CD2AP: variants seen among roughly 807,000 people sequenced by gnomAD.
The protein encoded by CD2AP is CD2-associated protein.
In CD2AP, 46 loss-of-function variants were observed where a neutral mutation model predicts 85.1. The observed-to-expected ratio is 0.54, with a 90% CI of 0.43 to 0.69. The LOEUF (loss-of-function observed/expected upper bound fraction) is 0.69, where lower values mean the gene tolerates loss of function less well. Ranked by LOEUF, CD2AP falls within the 30% of genes least tolerant of loss-of-function variation. The pLI is 0.00. For synonymous variants in CD2AP, 255 were observed against 252.9 expected, an observed-to-expected ratio of 1.01 and a Z score of -0.08; for missense variants, 769 against 729.5, an observed-to-expected ratio of 1.05 and a Z score of -0.62.
chr6:47,581,860 G>A lies in CD2AP; in HGVS notation c.1046-143G>A, dbSNP rs934933889. 5 of 623,632 alleles carry A rather than the reference G, an allele frequency of 8.0e-6. No homozygotes were observed. The African/African-American group carries it at 9.2e-5, about 11-fold the overall frequency. The allele number at this position is 623,632 out of a possible 1,614,324, so 38.6% of individuals were successfully genotyped here. On this transcript the variant is annotated intron_variant, in intron 10 of 17. Coordinates refer to ENST00000359314, the MANE Select transcript of CD2AP (RefSeq NM_012120.3). ...GGTCCAGGATTAGAAATTGAGCCTG[G>A]TAATTCCGGTACATTGTTCTTTCTA...
chr6:47,622,372 C>T (rs893753845), intron 17 of CD2AP, among the ~76,000 whole-genome samples: 1 of 152,196 alleles, frequency 6.6e-6, no homozygotes, highest in African/African-American at 2.4e-5. Flanking sequence ...TCGCCCCGTT[C>T]AAATTGTTAC....
intron 4 of CD2AP, among the ~76,000 whole-genome samples, chr6:47,553,503 C>T (rs182491903): frequency 1.6e-3 from 233 of 146,364 alleles, no homozygotes; most frequent in Middle Eastern, 7.0e-3. Context: ...TGCACCACCA[C>T]ACCTAGTGAA....
chr6:47,572,722 G>C (rs1281895644), intron 5 of CD2AP, among the ~76,000 whole-genome samples: 1 of 152,040 alleles, frequency 6.6e-6, no homozygotes, highest in Admixed American at 6.6e-5. Flanking sequence ...TAGGTCCCTG[G>C]GAAAGTCATT....
intron 12 of CD2AP, among the ~76,000 whole-genome samples, chr6:47,597,687 G>T (rs889079901): frequency 1.3e-5 from 2 of 150,946 alleles, no homozygotes; most frequent in African/African-American, 4.8e-5. Flanking sequence ...CAAGAAGGAT[G>T]AGTCAGAAGG....
intron 2 of CD2AP, among the ~76,000 whole-genome samples, chr6:47,507,491 G>T (rs952218377): frequency 7.2e-5 from 11 of 151,966 alleles, no homozygotes; most frequent in Admixed American, 4.6e-4. Context: ...ATTTAGTGGG[G>T]CGATCTTGGC....
At chr6:47,487,438 C>T (rs567210269) in intron 1 of CD2AP, among the ~76,000 whole-genome samples, 1 of 152,280 alleles carries the variant, frequency 6.6e-6, no homozygotes, top group East Asian at 1.9e-4. Flanking sequence ...CGCCTGTAAT[C>T]CCAGCACTTT....
chr6:47,599,500 CT>C, intron 13 of CD2AP, 57 bp downstream of exon 13: 1 of 1,446,426 alleles, frequency 6.9e-7, no homozygotes, highest in East Asian at 2.4e-5. Flanking sequence ...CAAAGAAACT[CT>C]TTAAGAGATA....
At chr6:47,542,418 G>C (rs1324573766) in intron 3 of CD2AP, among the ~76,000 whole-genome samples, 1 of 152,158 alleles carries the variant, frequency 6.6e-6, no homozygotes, top group Non-Finnish European at 1.5e-5. Context: ...TTGAATTATG[G>C]TTCTTTCCAA....
At chr6:47,539,122 G>A (rs1767135063) in intron 3 of CD2AP, among the ~76,000 whole-genome samples, 1 of 152,092 alleles carries the variant, frequency 6.6e-6, no homozygotes, top group Non-Finnish European at 1.5e-5. Flanking sequence ...TAGCAGGGGC[G>A]AACATCAAGT....
chr6:47,552,846 C>A (rs1419237800), intron 4 of CD2AP, among the ~76,000 whole-genome samples: 1 of 152,166 alleles, frequency 6.6e-6, no homozygotes, highest in Non-Finnish European at 1.5e-5. Flanking sequence ...CCCTTTCTCC[C>A]CCAAACAGCT....
intron 2 of CD2AP, among the ~76,000 whole-genome samples, chr6:47,528,297 C>T (rs1766782238): frequency 6.6e-6 from 1 of 152,148 alleles, no homozygotes; most frequent in African/African-American, 2.4e-5. Context: ...ACCTCATCCT[C>T]CCAAGGAGCT....
chr6:47,484,104 A>G (rs1177248608), intron 1 of CD2AP, among the ~76,000 whole-genome samples: 4 of 152,040 alleles, frequency 2.6e-5, no homozygotes, highest in Non-Finnish European at 5.9e-5. Context: ...GTCTTTGGCA[A>G]TACTCCCTCA....
At chr6:47,481,075 G>A (rs1414480180) in intron 1 of CD2AP, among the ~76,000 whole-genome samples, 2 of 152,142 alleles carry the variant, frequency 1.3e-5, no homozygotes, top group African/African-American at 4.8e-5. Context: ...AGAGCTCTAG[G>A]GAGACAGATA....
At chr6:47,535,232 AAT>A (rs1767002191) in intron 3 of CD2AP, among the ~76,000 whole-genome samples, 1 of 152,204 alleles carries the variant, frequency 6.6e-6, no homozygotes, top group Non-Finnish European at 1.5e-5. Context: ...TGATTGCAAA[AAT>A]TCAAAAAACT....
Position 47,579,410 on chromosome 6 carries a change from G to C in CD2AP, c.929G>C (p.Arg310Thr), listed in dbSNP as rs1768408271. ...SKETGEAGWWRGELNGKEGVF... is the reference protein window; with the variant it reads ...SKETGEAGWWTGELNGKEGVF... ...GAGACTGGAGAAGCTGGCTGGTGGAGGGGCGAACTTAATGGTAAAGAAGGA... is the reference window on the plus strand; with the variant it reads ...GAGACTGGAGAAGCTGGCTGGTGGACGGGCGAACTTAATGGTAAAGAAGGA... The change falls in exon 9 of 18, where the codon AGG (arginine) becomes ACG (threonine). Residue 310 changes from arginine (R) to threonine (T), a missense_variant. Physicochemically the swap from Arg to Thr is moderately conservative, Grantham distance 71. Coordinates refer to ENST00000359314, the MANE Select transcript of CD2AP (RefSeq NM_012120.3). 1 of 1,612,506 alleles carries C rather than the reference G, an allele frequency of 6.2e-7. No individual in the cohort carries two copies. Among genetic ancestry groups the C allele is most frequent in the Non-Finnish European group, 8.5e-7 (1 of 1,178,584 alleles).
At chr6:47,616,672 T>C (rs1319157257) in intron 17 of CD2AP, among the ~76,000 whole-genome samples, 1 of 152,236 alleles carries the variant, frequency 6.6e-6, no homozygotes, top group Non-Finnish European at 1.5e-5. Flanking sequence ...CTTCTTGATG[T>C]ACTGCAGTTA....
chr6:47,607,712 A>G (rs566391980), intron 14 of CD2AP, among the ~76,000 whole-genome samples: 1 of 152,222 alleles, frequency 6.6e-6, no homozygotes, highest in South Asian at 2.1e-4. Flanking sequence ...AATGGAGAAA[A>G]TCCTTACTGC....
chr6:47,556,055 C>CTTTTT (rs75174694), intron 5 of CD2AP, among the ~76,000 whole-genome samples: 2 of 129,964 alleles, frequency 1.5e-5, no homozygotes, highest in Non-Finnish European at 3.3e-5. Context: ...TTTTCCTTTT[C>CTTTTT]TTTTTTTTTT....
rs1769878208 is a variant in CD2AP at position 47,625,168 on chromosome 6, T to G, written c.*941T>G. On this transcript the variant is annotated 3_prime_UTR_variant, in exon 18 of 18. Transcript: ENST00000359314. ...CATTATCTTGTCACTTAGTTCTTCA[T>G]GTTTCTCCTTCTGACTTTTAATAAT... 2 of 151,932 alleles carry G rather than the reference T, an allele frequency of 1.3e-5. No homozygotes were observed. The highest frequency in any genetic ancestry group is 4.8e-5 in the African/African-American group (2 of 41,450). The allele number at this position is 151,932 out of a possible 1,614,324, so 9.4% of individuals were successfully genotyped here.
Sources: gnomAD v4.1 joint callset for allele counts (sites outside exome capture counted in the v4.1 genomes callset) on GRCh38, gnomAD v4.1.1 for gene constraint, MANE v1.5 for transcripts, NCBI Gene and HGNC (gene_info 2026-07-23, HGNC 2026-07-21) for gene names.